Variants in DNAH14 observed in about 807,000 individuals in gnomAD.
The protein encoded by DNAH14 is dynein axonemal heavy chain 14.
A neutral mutation model predicts 520.9 loss-of-function variants in DNAH14; 478 were observed. The observed-to-expected ratio is 0.92, with a 90% CI of 0.85 to 0.99. The LOEUF (loss-of-function observed/expected upper bound fraction) is 0.99, where lower values mean the gene tolerates loss of function less well. Among genes scored for constraint, DNAH14 ranks in the 50% least tolerant of loss-of-function variants. The probability of loss-of-function intolerance (pLI) is 0.00; values close to 1 mark genes in which losing one functional copy is unlikely to be tolerated. For missense variants in DNAH14, 4,831 were observed against 5,234.5 expected (o/e 0.92, Z 2.38); for synonymous variants, 1,581 against 1,757.2 (o/e 0.90, Z 2.51).
chr1:225,257,269 C>CTA (rs1390132490), intron 44 of DNAH14, among the ~76,000 whole-genome samples: 5 of 152,118 alleles, frequency 3.3e-5, no homozygotes, highest in Admixed American at 1.3e-4. Flanking sequence ...CTAAAAGTGC[C>CTA]TCTAGTGTCC....
intron 73 of DNAH14, among the ~76,000 whole-genome samples, chr1:225,356,106 G>T (rs1189835449): frequency 1.3e-5 from 2 of 152,176 alleles, no homozygotes; most frequent in African/African-American, 2.4e-5. Context: ...TCCATTGAGA[G>T]ACAACAAAGG....
chr1:225,171,013 A>G (rs555923307), intron 36 of DNAH14, among the ~76,000 whole-genome samples: 12 of 152,370 alleles, frequency 7.9e-5, no homozygotes, highest in African/African-American at 2.9e-4. Context: ...CTGCTCCTGA[A>G]TGACTACTGG....
At chr1:224,978,008 A>G (rs2061988178) in intron 8 of DNAH14, among the ~76,000 whole-genome samples, 1 of 152,226 alleles carries the variant, frequency 6.6e-6, no homozygotes. Context: ...AAAAAGACAA[A>G]AAATAAATGC....
chr1:224,960,872 C>G (rs2060802184), intron 4 of DNAH14, among the ~76,000 whole-genome samples: 1 of 152,138 alleles, frequency 6.6e-6, no homozygotes, highest in South Asian at 2.1e-4. Context: ...CTCACACAGG[C>G]TTCATCCCTT....
Position 225,346,551 on chromosome 1 carries a change from A to G in DNAH14, c.11193A>G (p.Ile3731Met), listed in dbSNP as rs776506625. ...AAAACAATGCTAATGGAAATCTAAT[A>G]CAGGATGACATTGGATTCCTACCAG... ...IMQNNANGNL[I>M]QDDIGFLPEE... The change falls in exon 71 of 86, where the codon ATA becomes ATG. Residue 3731 changes from isoleucine (I) to methionine (M), a missense_variant. Ile to Met is a conservative substitution (Grantham distance 10, BLOSUM62 1). Transcript: ENST00000682510. The G allele has an allele frequency of 3.9e-6, 6 of 1,550,906 alleles. No homozygotes were observed. Among genetic ancestry groups the G allele is most frequent in the Admixed American group, 3.9e-5 (2 of 50,960 alleles).
chr1:225,128,848 A>G (rs2148934278), intron 27 of DNAH14, among the ~76,000 whole-genome samples: 1 of 150,276 alleles, frequency 6.7e-6, no homozygotes, highest in East Asian at 2.0e-4. Flanking sequence ...AATAAAGAGT[A>G]TTCAATTAGG....
chr1:225,057,454 T>A (rs1162103636), intron 17 of DNAH14, among the ~76,000 whole-genome samples: 1 of 152,210 alleles, frequency 6.6e-6, no homozygotes, highest in Non-Finnish European at 1.5e-5. Context: ...TTTCTAGATA[T>A]ACAATCATGT....
At chr1:225,256,303 G>A (rs140517466) in intron 44 of DNAH14, among the ~76,000 whole-genome samples, 8 of 152,232 alleles carry the variant, frequency 5.3e-5, no homozygotes, top group East Asian at 1.9e-4. Context: ...GAATTAGTGC[G>A]CACGTGTTGG....
chr1:225,245,049 C>T (rs1226283749), intron 43 of DNAH14, among the ~76,000 whole-genome samples: 1 of 152,108 alleles, frequency 6.6e-6, no homozygotes, highest in Non-Finnish European at 1.5e-5. Flanking sequence ...GTACATGTGC[C>T]TTTGTTCTCA....
chr1:225,370,367 T>A (rs1164882522), intron 77 of DNAH14, among the ~76,000 whole-genome samples: 2 of 148,710 alleles, frequency 1.3e-5, no homozygotes, highest in African/African-American at 2.5e-5. Flanking sequence ...AAAAGTAAAA[T>A]ATATATATAT....
At chr1:225,350,470 G>A (rs1357880959) in intron 71 of DNAH14, among the ~76,000 whole-genome samples, 1 of 151,988 alleles carries the variant, frequency 6.6e-6, no homozygotes, top group Admixed American at 6.6e-5. Context: ...CTAAAGGTTG[G>A]TGTTTTGAAA....
At chr1:225,191,829 A>G (rs1390059474) in intron 37 of DNAH14, among the ~76,000 whole-genome samples, 4 of 151,830 alleles carry the variant, frequency 2.6e-5, no homozygotes, top group Non-Finnish European at 4.4e-5. Flanking sequence ...TAAATCTGCT[A>G]TTGAATGCCA....
chr1:224,954,895 G>C lies in DNAH14; in HGVS notation c.78-64G>C, dbSNP rs1455493210. ...GTGAAATTTTGGTAATATGCTAATA[G>C]CTCAGTATTTTATTGGTGTGATTTT... On this transcript the variant is annotated intron_variant, in intron 2 of 85. Transcript: ENST00000682510. 3.8e-6 allele frequency: 5 copies of C among 1,328,506 alleles called. No individual in the cohort carries two copies. In the African/African-American group the frequency reaches 7.4e-5, roughly 20 times the overall value. The allele number at this position is 1,328,506 out of a possible 1,614,324, so 82.3% of individuals were successfully genotyped here.
rs555242900 is a variant in DNAH14 at position 224,940,471 on chromosome 1, T to A, written c.-34+10636T>A. Among the ~76,000 whole-genome samples, 15 of 152,258 alleles carry A rather than the reference T, an allele frequency of 9.9e-5. No homozygotes were observed. In the South Asian group the frequency reaches 3.1e-3, roughly 32 times the overall value. On this transcript the variant is annotated intron_variant, in intron 1 of 85. Coordinates refer to ENST00000682510, the MANE Select transcript of DNAH14 (RefSeq NM_001367479.1). ...TGTAAATATCTCACAGTATGCAGCT[T>A]GTCTTTTTATTTTCTTTAGAGTGAG... is the stretch of plus-strand genomic sequence containing the variant.
chr1:224,933,672 T>C (rs2058839786), intron 1 of DNAH14, among the ~76,000 whole-genome samples: 1 of 152,104 alleles, frequency 6.6e-6, no homozygotes, highest in Non-Finnish European at 1.5e-5. Flanking sequence ...TTGTTCTGCA[T>C]TTATTGAGAT....
chr1:224,968,882 G>A lies in DNAH14; in HGVS notation c.767+8G>A, dbSNP rs2061346109. 22 of 1,513,662 alleles carry A rather than the reference G, an allele frequency of 1.5e-5. No homozygotes were observed. The highest frequency in any genetic ancestry group is 2.0e-5 in the Non-Finnish European group (22 of 1,121,460). The allele number at this position is 1,513,662 out of a possible 1,614,324, so 93.8% of individuals were successfully genotyped here. On this transcript the variant is annotated splice_region_variant and intron_variant, in intron 7 of 85. Transcript: ENST00000682510. Reference sequence around the variant, plus strand: ...GATATTTTCTGATTTCCGGTGAGGTGAAAAAAATGAAACCAATTCTTTGTA... The same window carrying A: ...GATATTTTCTGATTTCCGGTGAGGTAAAAAAAATGAAACCAATTCTTTGTA...
chr1:225,348,230 G>A (rs2095315384), intron 71 of DNAH14, among the ~76,000 whole-genome samples: 1 of 151,998 alleles, frequency 6.6e-6, no homozygotes, highest in South Asian at 2.1e-4. Context: ...AGACTTATAG[G>A]ATGCTGTTAA....
At chr1:225,099,398 C>T (rs923040984) in intron 22 of DNAH14, among the ~76,000 whole-genome samples, 12 of 152,106 alleles carry the variant, frequency 7.9e-5, no homozygotes, top group Middle Eastern at 3.4e-3. Flanking sequence ...TTTCAACCAG[C>T]GGTAATTTTT....
At chr1:225,081,267 T>C (rs982679552) in intron 19 of DNAH14, among the ~76,000 whole-genome samples, 1 of 152,246 alleles carries the variant, frequency 6.6e-6, no homozygotes, top group African/African-American at 2.4e-5. Flanking sequence ...ATCTTTGCTT[T>C]TTTTAAAGAC....
Sources: allele counts gnomAD v4.1 joint callset (sites outside exome capture counted in the v4.1 genomes callset), GRCh38; gene constraint gnomAD v4.1.1; transcripts MANE v1.5; gene names NCBI Gene and HGNC (gene_info 2026-07-23, HGNC 2026-07-21).